Variants in GASK1A observed in about 807,000 individuals in gnomAD.
GASK1A encodes Golgi-associated kinase 1A.
A neutral mutation model predicts 41.2 loss-of-function variants in GASK1A; 40 were observed. The ratio of observed to expected loss-of-function variants is 0.97; its 90% CI spans 0.75 to 1.27. GASK1A has a LOEUF of 1.27. Among genes scored for constraint, GASK1A ranks in the 50% most tolerant of loss-of-function variants. GASK1A has a pLI of 0.00. For missense variants in GASK1A, 678 were observed against 745.1 expected, an observed-to-expected ratio of 0.91 and a Z score of 1.05; for synonymous variants, 316 against 307.1, an observed-to-expected ratio of 1.03 and a Z score of -0.30.
chr3:43,057,352 A>G lies in GASK1A; in HGVS notation c.*966A>G, dbSNP rs1371520769. On this transcript the variant is annotated 3_prime_UTR_variant, in exon 5 of 5. Transcript: ENST00000430121. ...TCTGGGGCAAAGGGTATGGGCATTC[A>G]GTATTCTGAGAGAAACTGCCAAATT... is the stretch of plus-strand genomic sequence containing the variant. 6.6e-6 allele frequency: 1 copy of G among 152,256 alleles called. No homozygotes were observed. Among genetic ancestry groups the G allele is most frequent in the Admixed American group, 6.5e-5 (1 of 15,290 alleles). 9.4% of individuals were successfully genotyped at this position (152,256 alleles called of 1,614,324 possible). A position where few individuals can be genotyped will look rare whatever the true frequency, so the allele number is the denominator to read the frequency against.
chr3:42,999,409 G>A (rs545110816), intron 1 of GASK1A, among the ~76,000 whole-genome samples: 1 of 152,204 alleles, frequency 6.6e-6, no homozygotes, highest in South Asian at 2.1e-4. Context: ...CCTGGGTCTA[G>A]CTGTCAACCC....
At position 43,032,254 on chromosome 3, in the gene GASK1A, C is replaced by A; in HGVS notation, c.4-13C>A. The A allele has an allele frequency of 6.7e-7, 1 of 1,501,784 alleles. No homozygotes were observed. The highest frequency in any genetic ancestry group is 9.0e-7 in the Non-Finnish European group (1 of 1,116,438). 93.0% of individuals were successfully genotyped at this position (1,501,784 alleles called of 1,614,324 possible). A position where few individuals can be genotyped will look rare whatever the true frequency, so the allele number is the denominator to read the frequency against. ...CCCAGATCTCAAGCTTTTCTTTCTA[C>A]CCTGTCTCTCAGGCGTCTTGGCTCC... On this transcript the variant is annotated splice_polypyrimidine_tract_variant and intron_variant, in intron 1 of 4. Transcript: ENST00000430121.
At chr3:43,000,032 C>T (rs1186399818) in intron 1 of GASK1A, among the ~76,000 whole-genome samples, 1 of 152,240 alleles carries the variant, frequency 6.6e-6, no homozygotes, top group African/African-American at 2.4e-5. Flanking sequence ...AAGACAGTCT[C>T]TTCCTCTCAA....
intron 1 of GASK1A, among the ~76,000 whole-genome samples, chr3:43,008,454 C>G (rs2089447412): frequency 6.6e-6 from 1 of 152,228 alleles, no homozygotes. Flanking sequence ...CAGGAAATGC[C>G]TCATGAGCAT....
At chr3:43,015,269 G>T in intron 1 of GASK1A, among the ~76,000 whole-genome samples, 1 of 151,772 alleles carries the variant, frequency 6.6e-6, no homozygotes, top group South Asian at 2.1e-4. Context: ...CTCAGGAAGG[G>T]GCTGTGGGAA....
intron 1 of GASK1A, among the ~76,000 whole-genome samples, chr3:43,016,224 C>G (rs1277966610): frequency 4.6e-5 from 7 of 151,650 alleles, no homozygotes; most frequent in African/African-American, 1.5e-4. Flanking sequence ...CAGGTAGAGG[C>G]TGTGTGAAGC....
Position 43,032,958 on chromosome 3 carries a change from C to T in GASK1A, c.695C>T (p.Ser232Phe), listed in dbSNP as rs1378835483. The change falls in exon 2 of 5, where the codon TCT (serine) becomes TTT (phenylalanine). Residue 232 changes from serine to phenylalanine, a missense_variant. By Grantham distance (155) the Ser-to-Phe change is radical. Transcript: ENST00000430121. ...LASGAHQWPG[S>F]VEKLQGSVWC... The stretch of plus-strand genomic sequence containing the variant: ...TCAGGAGCTCATCAGTGGCCTGGCT[C>T]TGTTGAGAAGCTGCAAGGGTCAGTA... 2.6e-6 allele frequency: 4 copies of T among 1,550,864 alleles called. No individual in the cohort carries two copies. Among genetic ancestry groups the T allele is most frequent in the East Asian group, 4.9e-5 (2 of 40,894 alleles).
chr3:42,981,106 T>A (rs2089280739), intron 1 of GASK1A, among the ~76,000 whole-genome samples: 1 of 152,216 alleles, frequency 6.6e-6, no homozygotes, highest in Admixed American at 6.5e-5. Flanking sequence ...CAGCGTAAGC[T>A]TCCCGTTCTG....
intron 1 of GASK1A, among the ~76,000 whole-genome samples, chr3:42,995,872 C>T (rs2089366581): frequency 6.6e-6 from 1 of 152,182 alleles, no homozygotes; most frequent in South Asian, 2.1e-4. Context: ...CTCTTGATCC[C>T]AGCCCCACTC....
At chr3:43,032,084 G>A (rs1386463143) in intron 1 of GASK1A, among the ~76,000 whole-genome samples, 183 bp from the exon 2 acceptor site, 2 of 152,204 alleles carry the variant, frequency 1.3e-5, no homozygotes, top group African/African-American at 4.8e-5. Context: ...GAAAACAGGA[G>A]CATAGTTGGC....
intron 2 of GASK1A, among the ~76,000 whole-genome samples, chr3:43,040,600 T>C (rs905072931): frequency 6.6e-6 from 1 of 152,196 alleles, no homozygotes; most frequent in Non-Finnish European, 1.5e-5. Flanking sequence ...TGCCTCTCCA[T>C]CTGTTCACGT....
intron 1 of GASK1A, among the ~76,000 whole-genome samples, chr3:43,024,896 C>T (rs961800888): frequency 2.6e-5 from 4 of 152,102 alleles, no homozygotes; most frequent in East Asian, 1.9e-4. Context: ...TGGGAGCACA[C>T]GGCGAGGACA....
At chr3:43,038,361 A>T (rs922523202) in intron 2 of GASK1A, among the ~76,000 whole-genome samples, 1 of 152,252 alleles carries the variant, frequency 6.6e-6, no homozygotes, top group Non-Finnish European at 1.5e-5. Flanking sequence ...AATCAGTAAT[A>T]GTCCTAGAAA....
At chr3:42,993,126 C>T (rs1006787884) in intron 1 of GASK1A, among the ~76,000 whole-genome samples, 8 of 152,156 alleles carry the variant, frequency 5.3e-5, no homozygotes, top group Non-Finnish European at 7.3e-5. Flanking sequence ...TATAGAAGTA[C>T]GGAGTCCTTC....
chr3:43,018,957 G>A (rs1271744894), intron 1 of GASK1A, among the ~76,000 whole-genome samples: 1 of 152,166 alleles, frequency 6.6e-6, no homozygotes, highest in East Asian at 1.9e-4. Context: ...GTGCCTTGGT[G>A]CTGCCCTTGT....
At chr3:42,993,480 A>C (rs1156878008) in intron 1 of GASK1A, among the ~76,000 whole-genome samples, 1 of 152,234 alleles carries the variant, frequency 6.6e-6, no homozygotes, top group Non-Finnish European at 1.5e-5. Context: ...GTTTTTTAGA[A>C]GATCTGGATA....
intron 1 of GASK1A, among the ~76,000 whole-genome samples, chr3:43,011,110 A>C (rs985450968): frequency 3.3e-5 from 5 of 152,210 alleles, no homozygotes; most frequent in Non-Finnish European, 5.9e-5. Flanking sequence ...TGGGCCAGGC[A>C]TGGTGACTCA....
intron 1 of GASK1A, among the ~76,000 whole-genome samples, chr3:43,009,733 T>C (rs1575440081): frequency 1.3e-5 from 2 of 152,238 alleles, no homozygotes; most frequent in East Asian, 3.8e-4. Context: ...TCATCAGATG[T>C]TGGTGGAGAC....
chr3:42,980,036 A>T (rs1454557416), intron 1 of GASK1A, among the ~76,000 whole-genome samples: 1 of 152,206 alleles, frequency 6.6e-6, no homozygotes, highest in Admixed American at 6.5e-5. Context: ...TCCAAAGTTC[A>T]TGTGAATTTT....
Sources: gnomAD v4.1 joint callset for allele counts (sites outside exome capture counted in the v4.1 genomes callset) on GRCh38, gnomAD v4.1.1 for gene constraint, MANE v1.5 for transcripts, NCBI Gene and HGNC (gene_info 2026-07-23, HGNC 2026-07-21) for gene names.